The following NIFK variants were observed in gnomAD, a reference collection of about 807,000 sequenced individuals.
The protein encoded by NIFK is MKI67 FHA domain-interacting nucleolar phosphoprotein.
Under a neutral mutation model 31.7 loss-of-function variants are expected in NIFK, and 16 were observed. The ratio of observed to expected loss-of-function variants is 0.50; its 90% CI spans 0.34 to 0.77. The LOEUF (loss-of-function observed/expected upper bound fraction) is 0.77, where lower values mean the gene tolerates loss of function less well. NIFK is among the 30% of genes least tolerant of loss of function. The pLI is 0.01. For missense variants in NIFK, 341 were observed against 350.4 expected, an observed-to-expected ratio of 0.97 and a Z score of 0.21; for synonymous variants, 126 against 123.0, an observed-to-expected ratio of 1.02 and a Z score of -0.16.
At chr2:121,728,696 G>A (rs1437887372) in intron 4 of NIFK, 160 bp from the exon 5 acceptor site, 7 of 525,802 alleles carry the variant, frequency 1.3e-5, no homozygotes, top group Non-Finnish European at 2.3e-5. Context: ...CAAGTAAAGG[G>A]CAAAACTAGG....
rs2074574712 is a variant in NIFK, at chr2:121,735,744, T to G, written c.112A>C (p.Lys38Gln). Residue 38 changes from lysine (K) to glutamine (Q), a missense_variant, in exon 2 of 7, where the codon AAA (lysine) becomes CAA (glutamine). Lys to Gln is a moderately conservative substitution (Grantham distance 53). Coordinates refer to ENST00000285814, the MANE Select transcript of NIFK (RefSeq NM_032390.5). ...QVRKRITQRK[K>Q]QEQLTPGVVY... ...ACTCCAGGAGTAAGTTGTTCTTGTT[T>G]TTTTCGCTAAAGACGTAAAGACCAG... 1 of 1,612,108 alleles carries G rather than the reference T, an allele frequency of 6.2e-7. No individual in the cohort carries two copies. Among genetic ancestry groups the G allele is most frequent in the African/African-American group, 1.3e-5 (1 of 74,832 alleles).
intron 4 of NIFK, among the ~76,000 whole-genome samples, chr2:121,729,792 TAAAAC>T (rs763069129): frequency 2.2e-4 from 33 of 152,340 alleles, no homozygotes; most frequent in East Asian, 1.9e-4. Flanking sequence ...TTCAGTAACT[TAAAAC>T]AGAACATGTA....
At chr2:121,728,228 T>C in intron 6 of NIFK, 60 bp downstream of exon 6, 1 of 1,035,516 alleles carries the variant, frequency 9.7e-7, no homozygotes, top group Non-Finnish European at 1.5e-6. Flanking sequence ...AGAAACTGCT[T>C]CTCCTCCTTC....
intron 2 of NIFK, among the ~76,000 whole-genome samples, chr2:121,734,720 G>A (rs2074567397): frequency 6.6e-6 from 1 of 152,134 alleles, no homozygotes; most frequent in Non-Finnish European, 1.5e-5. Context: ...CTTGAACCCG[G>A]GAAGCGGAGG....
At position 121,736,823 on chromosome 2, in the gene NIFK, G is replaced by T; in HGVS notation, c.28C>A (p.Pro10Thr). 6.2e-7 allele frequency: 1 copy of T among 1,614,166 alleles called. No individual in the cohort carries two copies. The highest frequency in any genetic ancestry group is 8.5e-7 in the Non-Finnish European group (1 of 1,180,008). ...TCCTGCGGATTAAGCGACAGGATTG[G>T]CCCAGCCGGGCCAGAAAAAGTCGCC... MATFSGPAG[P>T]ILSLNPQEDV... Residue 10 changes from proline to threonine, a missense_variant, in exon 1 of 7, where the codon CCA becomes ACA. By Grantham distance (38) the Pro-to-Thr change is conservative (BLOSUM62 -1). Coordinates refer to ENST00000285814, the MANE Select transcript of NIFK (RefSeq NM_032390.5).
chr2:121,736,030 G>C (rs866734126), intron 1 of NIFK, among the ~76,000 whole-genome samples: 1 of 152,194 alleles, frequency 6.6e-6, no homozygotes, highest in Non-Finnish European at 1.5e-5. Context: ...AGCCATTTTA[G>C]ATCTTCTGCC....
rs1314078162 is a variant in NIFK, at chr2:121,735,673, G to T, written c.183C>A (p.Ile61=). The change falls in exon 2 of 7, where the codon ATC becomes ATA. Residue 61 remains isoleucine, a synonymous_variant. Transcript: ENST00000285814. ...HLPNLLDETQ[I]FSYFSQFGTV... ...TGCCAAACTGGGAGAAATATGAAAA[G>T]ATCTGGGTTTCGTCAAGTAGGTTAG... is the stretch of plus-strand genomic sequence containing the variant. 1 of 1,612,868 alleles carries T rather than the reference G, an allele frequency of 6.2e-7. No homozygotes were observed. The highest frequency in any genetic ancestry group is 1.3e-5 in the African/African-American group (1 of 75,018).
At chr2:121,735,123 C>T (rs1207690484) in intron 2 of NIFK, among the ~76,000 whole-genome samples, 1 of 152,168 alleles carries the variant, frequency 6.6e-6, no homozygotes, top group Non-Finnish European at 1.5e-5. Flanking sequence ...CCAAGCAATC[C>T]TCTAAAGACT....
chr2:121,730,804 TA>T, intron 4 of NIFK, 88 bp downstream of exon 4: 1 of 844,560 alleles, frequency 1.2e-6, no homozygotes, highest in African/African-American at 1.7e-5. Flanking sequence ...AAGATTGTGG[TA>T]AGTGCTAGGC....
chr2:121,735,766 C>G lies in NIFK; in HGVS notation c.106-16G>C. The stretch of plus-strand genomic sequence containing the variant: ...GTTTTTTTCGCTAAAGACGTAAAGA[C>G]CAGGTAAATTAAATATATAAATAAG... On this transcript the variant is annotated splice_polypyrimidine_tract_variant and intron_variant, in intron 1 of 6. Coordinates refer to ENST00000285814, the MANE Select transcript of NIFK (RefSeq NM_032390.5). 6.2e-7 allele frequency: 1 copy of G among 1,600,974 alleles called. No homozygotes were observed. The highest frequency in any genetic ancestry group is 8.5e-7 in the Non-Finnish European group (1 of 1,173,964).
intron 2 of NIFK, among the ~76,000 whole-genome samples, chr2:121,732,462 G>A (rs189397295): frequency 6.6e-6 from 1 of 152,166 alleles, no homozygotes; most frequent in African/African-American, 2.4e-5. Context: ...CAATTCCTAT[G>A]GCTGGAATTT....
At chr2:121,729,801 A>T (rs6746297) in intron 4 of NIFK, among the ~76,000 whole-genome samples, 27,508 of 152,194 alleles carry the variant, frequency 0.18, 4,113 homozygotes, top group African/African-American at 0.41. Flanking sequence ...TTAAAACAGA[A>T]CATGTAAGTT....
At chr2:121,732,392 T>C (rs529258590) in intron 2 of NIFK, among the ~76,000 whole-genome samples, 188 bp from the exon 3 acceptor site, 11 of 152,306 alleles carry the variant, frequency 7.2e-5, no homozygotes, top group Admixed American at 6.5e-4. Flanking sequence ...GATGCACGAG[T>C]CTGAACACAC....
intron 2 of NIFK, 70 bp from the exon 3 acceptor site, chr2:121,732,274 C>T: frequency 1.1e-6 from 1 of 899,460 alleles, no homozygotes; most frequent in Non-Finnish European, 1.8e-6. Flanking sequence ...TCCTAAAATG[C>T]CATTATTTTA....
intron 2 of NIFK, among the ~76,000 whole-genome samples, chr2:121,733,615 A>G (rs1002182621): frequency 3.3e-5 from 5 of 151,996 alleles, no homozygotes; most frequent in Non-Finnish European, 5.9e-5. Flanking sequence ...GGAGGCGGAC[A>G]TCGCAGTCAG....
intron 4 of NIFK, among the ~76,000 whole-genome samples, chr2:121,730,107 A>G (rs9752503): frequency 0.02 from 2,993 of 152,204 alleles, 52 homozygotes; most frequent in East Asian, 0.056. Flanking sequence ...TCAGCTACTC[A>G]TGAGGGTGAG....
At chr2:121,736,653 G>T in intron 1 of NIFK, 93 bp downstream of exon 1, 1 of 1,091,754 alleles carries the variant, frequency 9.2e-7, no homozygotes, top group Non-Finnish European at 1.4e-6. Context: ...ACGAAGGCAA[G>T]GGGCGCCCGG....
rs555308391 is a variant in NIFK, at chr2:121,734,768, C to T, written c.243+845G>A. Among the ~76,000 whole-genome samples the T allele has an allele frequency of 7.1e-4, 108 of 152,130 alleles. 1 individual carries two copies. Among genetic ancestry groups the T allele is most frequent in the Non-Finnish European group, 1.0e-3 (68 of 67,972 alleles). On this transcript the variant is annotated intron_variant, in intron 2 of 6. Transcript: ENST00000285814. Reference sequence around the variant, plus strand: ...GAGATTGTACCACTGCACTCCAGCCCGGGCGACAGTGCAAGCCTCAGTCTC... The same window carrying T: ...GAGATTGTACCACTGCACTCCAGCCTGGGCGACAGTGCAAGCCTCAGTCTC...
chr2:121,736,734 G>A lies in NIFK; in HGVS notation c.105+12C>T. ...GCCCCCGCTCGCAGCCTGGGCCAGGGTGCCTGCTCACCTGGGTTATGCGCT... is the reference window on the plus strand; with the variant it reads ...GCCCCCGCTCGCAGCCTGGGCCAGGATGCCTGCTCACCTGGGTTATGCGCT... On this transcript the variant is annotated intron_variant, in intron 1 of 6. Transcript: ENST00000285814. 1.9e-6 allele frequency: 3 copies of A among 1,606,742 alleles called. No individual in the cohort carries two copies. Among genetic ancestry groups the A allele is most frequent in the Non-Finnish European group, 2.6e-6 (3 of 1,173,258 alleles).
Sources: gnomAD v4.1 joint callset for allele counts (sites outside exome capture counted in the v4.1 genomes callset) on GRCh38, gnomAD v4.1.1 for gene constraint, MANE v1.5 for transcripts, NCBI Gene and HGNC (gene_info 2026-07-23, HGNC 2026-07-21) for gene names.